SCAPER: variants seen among roughly 807,000 people sequenced by gnomAD.
SCAPER encodes S phase cyclin A-associated protein in the endoplasmic reticulum.
Under a neutral mutation model 182.2 loss-of-function variants are expected in SCAPER, and 98 were observed. The observed-to-expected ratio is 0.54, with a 90% confidence interval of 0.46 to 0.64. The LOEUF (loss-of-function observed/expected upper bound fraction) is 0.64, where lower values mean the gene tolerates loss of function less well. Ranked by LOEUF, SCAPER falls within the 30% of genes least tolerant of loss-of-function variation. The probability of loss-of-function intolerance (pLI) is 0.00; values close to 1 mark genes in which losing one functional copy is unlikely to be tolerated. For synonymous variants in SCAPER, 605 were observed against 564.6 expected (o/e 1.07, Z -1.01); for missense variants, 1,432 against 1,690.0 (o/e 0.85, Z 2.68).
intron 21 of SCAPER, among the ~76,000 whole-genome samples, chr15:76,665,228 G>A (rs902910240): frequency 6.6e-6 from 1 of 152,122 alleles, no homozygotes; most frequent in East Asian, 1.9e-4. Flanking sequence ...TTTTCTTGTT[G>A]TGACAGGCAA....
chr15:76,676,625 AATTG>A (rs1434238804), intron 20 of SCAPER, among the ~76,000 whole-genome samples: 1 of 152,094 alleles, frequency 6.6e-6, no homozygotes, highest in African/African-American at 2.4e-5. Flanking sequence ...AGCAGTAAGA[AATTG>A]ATTACATAAA....
chr15:76,397,403 G>C (rs1296362413), intron 27 of SCAPER, among the ~76,000 whole-genome samples: 7 of 149,510 alleles, frequency 4.7e-5, no homozygotes, highest in Non-Finnish European at 8.9e-5. Context: ...ATTAGTATTA[G>C]TTGTTCTTTA....
intron 17 of SCAPER, among the ~76,000 whole-genome samples, chr15:76,709,812 T>C (rs559894763): frequency 3.1e-4 from 47 of 152,256 alleles, no homozygotes; most frequent in African/African-American, 1.1e-3. Context: ...ATAAAAACTA[T>C]TGTATATCAT....
At chr15:76,397,353 C>T (rs1302957517) in intron 27 of SCAPER, among the ~76,000 whole-genome samples, 1 of 152,050 alleles carries the variant, frequency 6.6e-6, no homozygotes, top group Non-Finnish European at 1.5e-5. Context: ...AGTTTGGAAG[C>T]ATTCCCTCCT....
intron 5 of SCAPER, among the ~76,000 whole-genome samples, chr15:76,839,109 G>A (rs2069210253): frequency 6.6e-6 from 1 of 152,146 alleles, no homozygotes; most frequent in Non-Finnish European, 1.5e-5. Context: ...CAAAAAATGA[G>A]GAATGTATCT....
At chr15:76,453,186 A>G (rs2048497086) in intron 25 of SCAPER, among the ~76,000 whole-genome samples, 1 of 152,188 alleles carries the variant, frequency 6.6e-6, no homozygotes. Flanking sequence ...ATGCCCCATC[A>G]CCACTAAATA....
intron 26 of SCAPER, among the ~76,000 whole-genome samples, chr15:76,426,995 C>G (rs1596557773): frequency 6.6e-6 from 1 of 152,282 alleles, no homozygotes; most frequent in Non-Finnish European, 1.5e-5. Context: ...ATAAACCGTG[C>G]TGGGATAATT....
At chr15:76,714,790 A>T (rs2059796473) in intron 17 of SCAPER, among the ~76,000 whole-genome samples, 1 of 152,188 alleles carries the variant, frequency 6.6e-6, no homozygotes, top group South Asian at 2.1e-4. Flanking sequence ...AGTTAACCAC[A>T]TCCAACAATA....
intron 5 of SCAPER, among the ~76,000 whole-genome samples, chr15:76,805,974 G>A (rs1009119197): frequency 6.6e-6 from 1 of 152,044 alleles, no homozygotes; most frequent in Non-Finnish European, 1.5e-5. Flanking sequence ...TATATTCTAG[G>A]TATTAGACCT....
intron 24 of SCAPER, among the ~76,000 whole-genome samples, chr15:76,486,983 C>A (rs1255277190): frequency 3.3e-5 from 5 of 152,118 alleles, no homozygotes; most frequent in Non-Finnish European, 7.3e-5. Flanking sequence ...TACATGTACA[C>A]CATGGAATAC....
At chr15:76,514,523 C>T (rs2042277379) in intron 23 of SCAPER, among the ~76,000 whole-genome samples, 2 of 152,158 alleles carry the variant, frequency 1.3e-5, no homozygotes, top group Non-Finnish European at 2.9e-5. Flanking sequence ...GGCCTTTGTA[C>T]TTGACTTTTC....
At chr15:76,762,792 G>A (rs1483026325) in intron 14 of SCAPER, among the ~76,000 whole-genome samples, 3 of 152,080 alleles carry the variant, frequency 2.0e-5, no homozygotes, top group African/African-American at 7.2e-5. Context: ...GGGACTACAG[G>A]TGCCTACCAC....
chr15:76,846,241 T>TA (rs879768702), intron 4 of SCAPER, among the ~76,000 whole-genome samples: 1 of 152,066 alleles, frequency 6.6e-6, no homozygotes, highest in Non-Finnish European at 1.5e-5. Context: ...ATGAAATTGC[T>TA]ACAAGAAAAC....
At position 76,765,592 on chromosome 15, in the gene SCAPER, T is replaced by C; in HGVS notation, c.1466A>G (p.Asp489Gly). The C allele has an allele frequency of 3.1e-6, 5 of 1,590,684 alleles. No individual in the cohort carries two copies. The highest frequency in any genetic ancestry group is 4.3e-6 in the Non-Finnish European group (5 of 1,167,428). The change falls in exon 12 of 32, where the codon GAC (aspartate) becomes GGC (glycine). Residue 489 changes from aspartate (D) to glycine (G), a missense_variant. Asp to Gly is a moderately conservative substitution (Grantham distance 94, BLOSUM62 -1). Coordinates refer to ENST00000563290, the MANE Select transcript of SCAPER (RefSeq NM_020843.4). ...ATAATCTGCAAGGACATCGTTCCAG[T>C]CCATGGACATACCACAGAAAGAAAC... Reference protein sequence around the residue: ...GSVSFCGMSMDWNDVLADYEA... With the variant: ...GSVSFCGMSMGWNDVLADYEA...
At chr15:76,430,093 T>C in intron 26 of SCAPER, among the ~76,000 whole-genome samples, 1 of 152,174 alleles carries the variant, frequency 6.6e-6, no homozygotes, top group Non-Finnish European at 1.5e-5. Context: ...GCAGCTTCCA[T>C]GTGGTGTTGA....
chr15:76,652,646 G>T (rs543461406), intron 21 of SCAPER, among the ~76,000 whole-genome samples: 4 of 150,936 alleles, frequency 2.7e-5, no homozygotes, highest in African/African-American at 9.7e-5. Context: ...GGGAGGCAGA[G>T]GTTTCAGTGA....
chr15:76,612,044 T>A (rs1278281458), intron 22 of SCAPER, among the ~76,000 whole-genome samples: 1 of 152,168 alleles, frequency 6.6e-6, no homozygotes, highest in Non-Finnish European at 1.5e-5. Flanking sequence ...AAGACAAGAA[T>A]GCCCTCTCTC....
intron 15 of SCAPER, among the ~76,000 whole-genome samples, chr15:76,735,827 A>C (rs976560253): frequency 6.6e-6 from 1 of 151,752 alleles, no homozygotes; most frequent in African/African-American, 2.4e-5. Context: ...GAAGCAAAGG[A>C]AAGATGATAA....
chr15:76,550,366 T>A (rs577158684), intron 23 of SCAPER, among the ~76,000 whole-genome samples: 4 of 152,056 alleles, frequency 2.6e-5, no homozygotes, highest in Non-Finnish European at 5.9e-5. Flanking sequence ...CCTGACAGGC[T>A]CCACTGCATA....
Sources: allele counts gnomAD v4.1 joint callset (sites outside exome capture counted in the v4.1 genomes callset), GRCh38; gene constraint gnomAD v4.1.1; transcripts MANE v1.5; gene names NCBI Gene and HGNC (gene_info 2026-07-23, HGNC 2026-07-21).